SGSH: variants seen among roughly 807,000 people sequenced by gnomAD.
SGSH encodes heparan sulfate sulfatase.
SGSH carries 48 observed loss-of-function variants against 51.0 expected under a neutral mutation model. That is an observed-to-expected ratio of 0.94 (90% CI 0.75 to 1.20). SGSH has a LOEUF of 1.20. Ranked by LOEUF, SGSH falls within the 50% of genes most tolerant of loss-of-function variation. The pLI, the probability that SGSH is intolerant of heterozygous loss-of-function variation, is 0.00. For synonymous variants in SGSH, 321 were observed against 313.4 expected, an observed-to-expected ratio of 1.02 and a Z score of -0.26; for missense variants, 662 against 717.8, an observed-to-expected ratio of 0.92 and a Z score of 0.89.
Position 80,209,862 on chromosome 17 carries a change from A to G in SGSH, c.*590T>C, listed in dbSNP as rs928934205. 1 of 989,424 alleles carries G rather than the reference A, an allele frequency of 1.0e-6. No homozygotes were observed. 61.3% of individuals were successfully genotyped at this position (989,424 alleles called of 1,614,324 possible). A position where few individuals can be genotyped will look rare whatever the true frequency, so the allele number is the denominator to read the frequency against. ...AACCTGCCTGGGGAACAGGGACTTG[A>G]CCATGGGGCAAAACAGAAGAAGCAG... On this transcript the variant is annotated 3_prime_UTR_variant, in exon 8 of 8. Coordinates refer to ENST00000326317, the MANE Select transcript of SGSH (RefSeq NM_000199.5).
Position 80,214,774 on chromosome 17 carries a change from G to A in SGSH, c.356-9C>T. 6.2e-7 allele frequency: 1 copy of A among 1,609,834 alleles called. No individual in the cohort carries two copies. The highest frequency in any genetic ancestry group is 8.5e-7 in the Non-Finnish European group (1 of 1,179,968). ...CTTCTTCCCGATGATGCCTGGGCGG[G>A]AAGAGAGGCCTGGCCAGAGTCCCTT... On this transcript the variant is annotated splice_polypyrimidine_tract_variant and intron_variant, in intron 3 of 7. Transcript: ENST00000326317.
chr17:80,202,236 T>G (rs772268382), downstream of SGSH: 1 of 1,613,866 alleles, frequency 6.2e-7, no homozygotes, highest in African/African-American at 1.3e-5. Context: ...GGGGGACTCA[T>G]TCTACATCCG....
At chr17:80,204,142 C>A, downstream of SGSH, 1 of 1,361,072 alleles carries the variant, frequency 7.3e-7, no homozygotes, top group Non-Finnish European at 1.0e-6. Context: ...CCAGGTCGCC[C>A]TAGTGCCAAT....
chr17:80,210,271 A>G lies in SGSH; in HGVS notation c.*181T>C. The stretch of plus-strand genomic sequence containing the variant: ...GGGGCTGGGCACATGCTCTGGTCAC[A>G]TGCTCTGGTCCCCCTCCAGGCAATG... On this transcript the variant is annotated 3_prime_UTR_variant, in exon 8 of 8. Transcript: ENST00000326317. 1.4e-6 allele frequency: 2 copies of G among 1,431,232 alleles called. No individual in the cohort carries two copies. The highest frequency in any genetic ancestry group is 1.8e-6 in the Non-Finnish European group (2 of 1,096,988). The allele number at this position is 1,431,232 out of a possible 1,614,324, so 88.7% of individuals were successfully genotyped here.
chr17:80,205,539 A>G (rs1473634442), downstream of SGSH: 5 of 1,585,834 alleles, frequency 3.2e-6, no homozygotes, highest in African/African-American at 5.4e-5. Flanking sequence ...AGAGTACTTG[A>G]GCCAGGAGGA....
Position 80,209,993 on chromosome 17 carries a change from G to A in SGSH, c.*459C>T, listed in dbSNP as rs532130517. 3.4e-5 allele frequency: 35 copies of A among 1,034,162 alleles called. No individual in the cohort carries two copies. In the East Asian group the frequency reaches 9.6e-4, roughly 28 times the overall value. The allele number at this position is 1,034,162 out of a possible 1,614,324, so 64.1% of individuals were successfully genotyped here. A position where few individuals can be genotyped will look rare whatever the true frequency, so the allele number is the denominator to read the frequency against. ...TCGGTGGGACCTGCGTACTGCCCACGCGGCACCGAAGCCCCTGCCTGCTCT... is the reference window on the plus strand; with the variant it reads ...TCGGTGGGACCTGCGTACTGCCCACACGGCACCGAAGCCCCTGCCTGCTCT... On this transcript the variant is annotated 3_prime_UTR_variant, in exon 8 of 8. Coordinates refer to ENST00000326317, the MANE Select transcript of SGSH (RefSeq NM_000199.5).
chr17:80,204,648 G>T, downstream of SGSH: 1 of 370,706 alleles, frequency 2.7e-6, no homozygotes, highest in Non-Finnish European at 4.9e-6. Context: ...AATTTCAGGA[G>T]AGGAGTACAG....
chr17:80,201,828 G>A, downstream of SGSH: 1 of 1,614,072 alleles, frequency 6.2e-7, no homozygotes. This position sits in a 1 kb window ranked among gnomAD's most constrained non-coding sequence, Gnocchi z 5.0. Flanking sequence ...TCTCAGGAGG[G>A]TGGACGGCTT....
intron 5 of SGSH, 49 bp downstream of exon 5, chr17:80,214,123 C>T: frequency 6.4e-7 from 1 of 1,570,428 alleles, no homozygotes. Context: ...GCCAGGGTCC[C>T]CGACCCAGGG....
At chr17:80,207,870 AAAAAAAAGT>A (rs1327613100), downstream of SGSH, among the ~76,000 whole-genome samples, 3 of 152,032 alleles carry the variant, frequency 2.0e-5, no homozygotes, top group Non-Finnish European at 4.4e-5. Context: ...AGGACAAAAA[AAAAAAAAGT>A]AAAAAAATTA....
At chr17:80,208,655 A>G, downstream of SGSH, 1 of 299,904 alleles carries the variant, frequency 3.3e-6, no homozygotes, top group Non-Finnish European at 6.1e-6. Flanking sequence ...CTTCCCTAGA[A>G]CCGGAGGCCC....
chr17:80,208,297 C>T (rs769913134), downstream of SGSH: 19 of 1,604,026 alleles, frequency 1.2e-5, no homozygotes, highest in East Asian at 2.2e-5. Context: ...GCCAGGCCAT[C>T]GCCGACGAGC....
chr17:80,216,992 A>G, intron 2 of SGSH, 40 bp downstream of exon 2: 1 of 1,517,440 alleles, frequency 6.6e-7, no homozygotes, highest in Admixed American at 2.0e-5. Context: ...CAGCCTGTCT[A>G]CTCCCTGCCC....
chr17:80,203,915 A>C, downstream of SGSH: 2 of 1,552,360 alleles, frequency 1.3e-6, no homozygotes, highest in Non-Finnish European at 1.8e-6. This position sits in a 1 kb window ranked among gnomAD's most constrained non-coding sequence, Gnocchi z 4.6. Flanking sequence ...CCTGGACCCC[A>C]CTGGGGTGGG....
Position 80,212,673 on chromosome 17 carries a change from G to T in SGSH, c.746-399C>A, listed in dbSNP as rs957173520. On this transcript the variant is annotated intron_variant, in intron 6 of 7. Coordinates refer to ENST00000326317, the MANE Select transcript of SGSH (RefSeq NM_000199.5). This position sits in a 1 kb window ranked among gnomAD's most constrained non-coding sequence, Gnocchi z 5.9. Reference sequence around the variant, plus strand: ...TTCCCAGCTGGGGCCAGAGGACAAGGCTTCCTCTATACCCGCTCCTTCCCA... The same window carrying T: ...TTCCCAGCTGGGGCCAGAGGACAAGTCTTCCTCTATACCCGCTCCTTCCCA... The T allele has an allele frequency of 2.8e-6, 1 of 351,634 alleles. No individual in the cohort carries two copies. The highest frequency in any genetic ancestry group is 2.3e-5 in the South Asian group (1 of 42,726). 21.8% of individuals were successfully genotyped at this position (351,634 alleles called of 1,614,324 possible).
rs2144755037 is a variant in SGSH at position 80,215,116 on chromosome 17, A to G, written c.272T>C (p.Leu91Pro). The change falls in exon 3 of 8, where the codon CTG (leucine) becomes CCG (proline). Residue 91 changes from leucine (L) to proline (P), a missense_variant. Coordinates refer to ENST00000326317, the MANE Select transcript of SGSH (RefSeq NM_000199.5). ...LPQHQNGMYGLHQDVHHFNSF... is the reference protein window; with the variant it reads ...LPQHQNGMYGPHQDVHHFNSF... ...GTTGAAGTGGTGCACGTCCTGGTGC[A>G]GCCCGTACATCCCATTCTGATGCTG... 8.1e-6 allele frequency: 13 copies of G among 1,611,972 alleles called. No individual in the cohort carries two copies. The highest frequency in any genetic ancestry group is 1.0e-5 in the Non-Finnish European group (12 of 1,179,918).
Position 80,217,154 on chromosome 17 carries a change from T to C in SGSH, c.127A>G (p.Ser43Gly), listed in dbSNP as rs1291601158. 2 of 1,601,110 alleles carry C rather than the reference T, an allele frequency of 1.2e-6. No individual in the cohort carries two copies. Among genetic ancestry groups the C allele is most frequent in the Non-Finnish European group, 8.5e-7 (1 of 1,176,266 alleles). ...TCCAGGTGCGGGGTGGCGATGGCGC[T>C]GTTGTTGTACGCGCCACTCTCAAAG... ...GGFESGAYNNSAIATPHLDAL... is the reference protein window; with the variant it reads ...GGFESGAYNNGAIATPHLDAL... Residue 43 changes from serine to glycine, a missense_variant, in exon 2 of 8, where the codon AGC becomes GGC. Physicochemically the swap from Ser to Gly is moderately conservative, Grantham distance 56 (BLOSUM62 0). Coordinates refer to ENST00000326317, the MANE Select transcript of SGSH (RefSeq NM_000199.5).
downstream of SGSH, chr17:80,203,645 C>T (rs565831256): frequency 2.2e-3 from 1,205 of 543,188 alleles, 9 homozygotes; most frequent in Non-Finnish European, 1.6e-3. This position sits in a 1 kb window ranked among gnomAD's most constrained non-coding sequence, Gnocchi z 4.6. Context: ...GCTCTGGAGA[C>T]TGGCATGGCC....
intron 1 of SGSH, chr17:80,219,976 C>G: frequency 2.5e-6 from 1 of 405,392 alleles, no homozygotes; most frequent in South Asian, 6.5e-5. Context: ...GAGGGTGGGA[C>G]AGGCGGCACG....
Sources: allele counts gnomAD v4.1 joint callset (sites outside exome capture counted in the v4.1 genomes callset), GRCh38; gene constraint gnomAD v4.1.1; non-coding constraint Gnocchi (gnomAD v3.1); transcripts MANE v1.5; gene names NCBI Gene and HGNC (gene_info 2026-07-23, HGNC 2026-07-21).